Variants in SOX5 observed in about 807,000 individuals in gnomAD.
The protein encoded by SOX5 is transcription factor SOX-5.
Under a neutral mutation model 92.0 loss-of-function variants are expected in SOX5, and 9 were observed. The ratio of observed to expected loss-of-function variants is 0.10; its 90% confidence interval spans 0.06 to 0.17. The LOEUF (loss-of-function observed/expected upper bound fraction) is 0.17. Ranked by LOEUF, SOX5 falls within the 10% of genes least tolerant of loss-of-function variation. SOX5 has a pLI of 1.00. For synonymous variants in SOX5, 344 were observed against 336.3 expected, an observed-to-expected ratio of 1.02 and a Z score of -0.25; for missense variants, 642 against 944.5, an observed-to-expected ratio of 0.68 and a Z score of 4.20.
chr12:24,531,077 A>G (rs1218591336), intron 1 of SOX5, among the ~76,000 whole-genome samples: 1 of 152,208 alleles, frequency 6.6e-6, no homozygotes, highest in African/African-American at 2.4e-5. Context: ...CGTGGAAATT[A>G]TCTATTTGCA....
At chr12:23,955,121 T>C (rs1946124721), upstream of SOX5, among the ~76,000 whole-genome samples, 1 of 152,068 alleles carries the variant, frequency 6.6e-6, no homozygotes, top group Admixed American at 6.6e-5. Context: ...TATGCCATAT[T>C]TTCTGCATAG....
intron 2 of SOX5, among the ~76,000 whole-genome samples, chr12:24,363,259 T>C (rs765635733): frequency 1.3e-4 from 20 of 152,140 alleles, no homozygotes; most frequent in Non-Finnish European, 2.8e-4. Context: ...AAATTAGTAA[T>C]AATTTAGATT....
intron 3 of SOX5, among the ~76,000 whole-genome samples, chr12:23,806,727 T>C (rs1334870560): frequency 6.6e-6 from 1 of 150,916 alleles, no homozygotes; most frequent in Non-Finnish European, 1.5e-5. Flanking sequence ...AATAATAGTG[T>C]TGGAGAATAG....
chr12:24,093,531 A>C (rs1011580060), intron 4 of SOX5, among the ~76,000 whole-genome samples: 21 of 151,466 alleles, frequency 1.4e-4, no homozygotes, highest in East Asian at 2.0e-4. Context: ...TCAAAAAAAA[A>C]AAAACAAAAA....
chr12:23,579,932 G>A (rs1025990477), intron 9 of SOX5, among the ~76,000 whole-genome samples: 3 of 151,934 alleles, frequency 2.0e-5, no homozygotes, highest in African/African-American at 7.2e-5. Flanking sequence ...GTTGCCAATT[G>A]GAACTTTTGA....
rs777527749 is a variant in SOX5 at position 23,604,509 on chromosome 12, C to A, written c.1042G>T (p.Ala348Ser). ...LQQLYAAQLA[A>S]MQVSPGGKLP... ...TTCCCTCCTGGAGATACCTGCATTGCAGCTAGCTGGGCAGCATATAACTGC... is the reference window on the plus strand; with the variant it reads ...TTCCCTCCTGGAGATACCTGCATTGAAGCTAGCTGGGCAGCATATAACTGC... Residue 348 changes from alanine (A) to serine (S), a missense_variant, in exon 9 of 15, where the codon GCA (alanine) becomes TCA (serine). Ala to Ser is a moderately conservative substitution (Grantham distance 99, BLOSUM62 1). Around this residue, in one of 8 missense-constraint regions of SOX5, gnomAD observed 324 missense variants for 461.6 expected, o/e 0.70. Transcript: ENST00000451604. The A allele has an allele frequency of 6.2e-7, 1 of 1,613,488 alleles. No homozygotes were observed. The highest frequency in any genetic ancestry group is 1.3e-5 in the African/African-American group (1 of 74,820).
intron 4 of SOX5, among the ~76,000 whole-genome samples, chr12:23,984,232 T>C (rs577526007): frequency 6.6e-6 from 1 of 152,152 alleles, no homozygotes; most frequent in East Asian, 1.9e-4. Flanking sequence ...CTTAGAGAAA[T>C]TGAGGGACAC....
At chr12:23,933,090 C>T (rs945859378) in intron 1 of SOX5, among the ~76,000 whole-genome samples, 3 of 151,594 alleles carry the variant, frequency 2.0e-5, no homozygotes, top group Non-Finnish European at 4.4e-5. Flanking sequence ...CATAGTTTTG[C>T]TTTCTGAAGT....
Position 24,049,638 on chromosome 12 carries a change from GTTTTTTTTTTTTTTTTT to G in SOX5, c.-1-153631_-1-153615del, listed in dbSNP as rs527647441. On this transcript the variant is annotated intron_variant, in intron 4 of 4. Transcript: ENST00000446891. ...TGTTGATATTTTCCAATCCTTCATA[GTTTTTTTTTTTTTTTTT>G]TTTTTTTTTTTTTTTTTGGAGGTAG... is the stretch of plus-strand genomic sequence containing the variant. Among the ~76,000 whole-genome samples the G allele has an allele frequency of 3.4e-3, 253 of 73,796 alleles. 2 individuals carry two copies. Among genetic ancestry groups the G allele is most frequent in the African/African-American group, 0.014 (236 of 16,874 alleles). 48.4% of individuals were successfully genotyped at this position (73,796 alleles called of 152,430 possible).
chr12:24,476,761 C>T (rs919464213), intron 1 of SOX5, among the ~76,000 whole-genome samples: 3 of 151,936 alleles, frequency 2.0e-5, no homozygotes, highest in African/African-American at 7.3e-5. Flanking sequence ...CTGTTTGGTC[C>T]CTAAACACAG....
intron 10 of SOX5, among the ~76,000 whole-genome samples, chr12:23,568,239 G>A (rs1270073723): frequency 6.6e-6 from 1 of 152,126 alleles, no homozygotes; most frequent in Non-Finnish European, 1.5e-5. Context: ...AGCCAGGACT[G>A]TCAGCAGTAT....
intron 8 of SOX5, among the ~76,000 whole-genome samples, chr12:23,616,268 T>C (rs1424795404): frequency 6.6e-6 from 1 of 152,088 alleles, no homozygotes; most frequent in African/African-American, 2.4e-5. Flanking sequence ...GGGACAGGGG[T>C]AGAGAATAGA....
chr12:23,756,131 A>G (rs2094364538), intron 3 of SOX5, among the ~76,000 whole-genome samples: 1 of 151,794 alleles, frequency 6.6e-6, no homozygotes, highest in African/African-American at 2.4e-5. Flanking sequence ...GCTACATGTA[A>G]TTATATCCCT....
Position 24,440,594 on chromosome 12 carries a change from TTGTGTGTGTGTG to T in SOX5, c.-250-71967_-250-71956del, listed in dbSNP as rs56082162. Among the ~76,000 whole-genome samples the T allele has an allele frequency of 3.6e-3, 503 of 139,728 alleles. 4 individuals are homozygous for T. The highest frequency in any genetic ancestry group is 0.011 in the African/African-American group (401 of 37,122). The allele number at this position is 139,728 out of a possible 152,430, so 91.7% of individuals were successfully genotyped here. On this transcript the variant is annotated intron_variant, in intron 1 of 4. Transcript: ENST00000446891. ...TGTGGCATCCCATTCACATGATCCT[TTGTGTGTGTGTG>T]TGTGTGTGTGTGTGTGTGTGTGTGT...
intron 3 of SOX5, among the ~76,000 whole-genome samples, chr12:24,275,103 A>G (rs759543384): frequency 3.9e-5 from 6 of 152,182 alleles, no homozygotes; most frequent in Admixed American, 2.0e-4. Context: ...GAACAGAGAT[A>G]TATATAGTGT....
At chr12:24,111,357 TGTGA>T (rs1190004819) in intron 4 of SOX5, among the ~76,000 whole-genome samples, 1 of 152,198 alleles carries the variant, frequency 6.6e-6, no homozygotes, top group Admixed American at 6.5e-5. Flanking sequence ...CAATGCATCC[TGTGA>T]GTATCAGACT....
At chr12:24,248,398 C>T (rs1013142532) in intron 3 of SOX5, among the ~76,000 whole-genome samples, 19 of 152,290 alleles carry the variant, frequency 1.2e-4, no homozygotes, top group African/African-American at 2.6e-4. Context: ...AGAAACAAGA[C>T]GTGTCTTTCT....
chr12:24,206,991 T>C (rs1313681067), intron 4 of SOX5, among the ~76,000 whole-genome samples: 3 of 152,204 alleles, frequency 2.0e-5, no homozygotes, highest in African/African-American at 7.2e-5. Context: ...CAAGCACTCA[T>C]TCAGCATTCA....
intron 1 of SOX5, among the ~76,000 whole-genome samples, chr12:24,533,309 T>A (rs79269873): frequency 0.011 from 1,643 of 152,318 alleles, 10 homozygotes; most frequent in Middle Eastern, 0.02. Context: ...ATTCTCTATC[T>A]TGGATATGGA....
Sources: allele counts gnomAD v4.1 joint callset (sites outside exome capture counted in the v4.1 genomes callset), GRCh38; gene constraint gnomAD v4.1.1; regional missense constraint gnomAD v4.1.1; transcripts MANE v1.5; gene names NCBI Gene and HGNC (gene_info 2026-07-23, HGNC 2026-07-21).